Variants in GRM5 observed in about 807,000 individuals in gnomAD.
GRM5 encodes the protein metabotropic glutamate receptor 5.
Under a neutral mutation model 83.1 loss-of-function variants are expected in GRM5, and 19 were observed. The observed-to-expected ratio is 0.23, with a 90% CI of 0.16 to 0.34. The LOEUF (loss-of-function observed/expected upper bound fraction) is 0.34, where lower values mean the gene tolerates loss of function less well. Ranked by LOEUF, GRM5 falls within the 10% of genes least tolerant of loss-of-function variation. The probability of loss-of-function intolerance (pLI) is 1.00; values close to 1 mark genes in which losing one functional copy is unlikely to be tolerated. For synonymous variants in GRM5, 675 were observed against 633.6 expected, an observed-to-expected ratio of 1.07 and a Z score of -0.98; for missense variants, 1,160 against 1,588.3, an observed-to-expected ratio of 0.73 and a Z score of 4.58.
intron 3 of GRM5, among the ~76,000 whole-genome samples, chr11:88,816,717 A>C (rs1225157641): frequency 8.0e-5 from 12 of 149,478 alleles, no homozygotes; most frequent in Admixed American, 7.4e-4. Context: ...AAAATCAATA[A>C]AACTGATAAA....
chr11:88,527,854 A>G (rs1941915425), intron 8 of GRM5, among the ~76,000 whole-genome samples: 1 of 152,126 alleles, frequency 6.6e-6, no homozygotes, highest in South Asian at 2.1e-4. Flanking sequence ...CAAGTACTTC[A>G]TGTTTTCATT....
intron 5 of GRM5, among the ~76,000 whole-genome samples, chr11:88,602,999 G>T (rs1047111687): frequency 6.6e-6 from 1 of 152,118 alleles, no homozygotes; most frequent in East Asian, 1.9e-4. Flanking sequence ...TTATTCATGG[G>T]TTAATGTTAT....
rs1328206333 is a variant in GRM5 at position 89,047,926 on chromosome 11, G to T, written c.-54C>A. The T allele has an allele frequency of 7.2e-7, 1 of 1,393,498 alleles. No homozygotes were observed. The highest frequency in any genetic ancestry group is 1.4e-5 in the African/African-American group (1 of 70,568). 86.3% of individuals were successfully genotyped at this position (1,393,498 alleles called of 1,614,324 possible). A position where few individuals can be genotyped will look rare whatever the true frequency, so the allele number is the denominator to read the frequency against. On this transcript the variant is annotated 5_prime_UTR_variant, in exon 2 of 10. Transcript: ENST00000305447. This position sits in a 1 kb window ranked among gnomAD's most constrained non-coding sequence, Gnocchi z 5.1. ...ATAGCATGGTGGGGAAAATTCAGGA[G>T]GGTTCTGATAGCTACGAACAAGCGA...
chr11:89,039,856 A>T (rs949463129), intron 2 of GRM5, among the ~76,000 whole-genome samples: 4 of 152,212 alleles, frequency 2.6e-5, no homozygotes, highest in African/African-American at 9.6e-5. Context: ...GGCTGAGTGC[A>T]GTGGTGCAAA....
At chr11:88,834,356 A>T (rs1944054017) in intron 3 of GRM5, among the ~76,000 whole-genome samples, 1 of 152,226 alleles carries the variant, frequency 6.6e-6, no homozygotes, top group Non-Finnish European at 1.5e-5. Flanking sequence ...ATGTACAAAA[A>T]GGTAAATTGA....
chr11:88,561,067 C>T (rs10501669), intron 8 of GRM5, among the ~76,000 whole-genome samples: 6 of 151,898 alleles, frequency 4.0e-5, no homozygotes, highest in East Asian at 1.9e-4. Context: ...CTCTAAAGAA[C>T]GAGAAATAGC....
Position 88,506,856 on chromosome 11 carries a change from C to T in GRM5, c.*1736G>A, listed in dbSNP as rs1941195324. 2 of 152,022 alleles carry T rather than the reference C, an allele frequency of 1.3e-5. No homozygotes were observed. The highest frequency in any genetic ancestry group is 6.5e-5 in the Admixed American group (1 of 15,280). 9.4% of individuals were successfully genotyped at this position (152,022 alleles called of 1,614,324 possible). On this transcript the variant is annotated 3_prime_UTR_variant, in exon 10 of 10. Coordinates refer to ENST00000305447, the MANE Select transcript of GRM5 (RefSeq NM_001143831.3). ...GATGTGAAATAAAAAAAAATACTTA[C>T]CAAAGTAAGGATATTGAGCTAAAAG... is the stretch of plus-strand genomic sequence containing the variant.
At chr11:88,509,865 G>T (rs1941316164) in intron 9 of GRM5, among the ~76,000 whole-genome samples, 1 of 152,170 alleles carries the variant, frequency 6.6e-6, no homozygotes, top group South Asian at 2.1e-4. Flanking sequence ...CCGGCTGTGT[G>T]CACAAGTGCC....
At chr11:88,832,204 T>G (rs1035307197) in intron 3 of GRM5, among the ~76,000 whole-genome samples, 11 of 152,260 alleles carry the variant, frequency 7.2e-5, no homozygotes, top group Admixed American at 2.0e-4. Context: ...GTAGATGACA[T>G]GATCTTACAT....
chr11:88,691,538 T>G (rs1940780416), intron 3 of GRM5, among the ~76,000 whole-genome samples: 1 of 152,214 alleles, frequency 6.6e-6, no homozygotes, highest in Admixed American at 6.5e-5. Context: ...ATTGACTGTT[T>G]TATACCTCCT....
At chr11:88,800,442 C>A (rs1372906036) in intron 3 of GRM5, among the ~76,000 whole-genome samples, 4 of 151,806 alleles carry the variant, frequency 2.6e-5, no homozygotes, top group Non-Finnish European at 5.9e-5. Context: ...AGATTACTTG[C>A]AAAACAATAT....
At chr11:88,667,538 A>G (rs1358236306) in intron 3 of GRM5, among the ~76,000 whole-genome samples, 1 of 152,176 alleles carries the variant, frequency 6.6e-6, no homozygotes, top group Non-Finnish European at 1.5e-5. Flanking sequence ...TAAACCCTCC[A>G]AAACTAGAGG....
At chr11:88,733,645 T>C (rs1903843) in intron 3 of GRM5, among the ~76,000 whole-genome samples, 88,958 of 151,842 alleles carry the variant, frequency 0.59, 28,100 homozygotes, top group South Asian at 0.8. Flanking sequence ...ATTAAGAAGC[T>C]GAAAATAGCA....
chr11:89,021,096 A>C (rs1940972275), intron 2 of GRM5, among the ~76,000 whole-genome samples: 1 of 152,206 alleles, frequency 6.6e-6, no homozygotes, highest in Non-Finnish European at 1.5e-5. Flanking sequence ...GTGAATACTG[A>C]ATGGATTTGT....
At chr11:88,660,203 T>A (rs1939869159) in intron 3 of GRM5, among the ~76,000 whole-genome samples, 2 of 152,190 alleles carry the variant, frequency 1.3e-5, no homozygotes, top group Admixed American at 1.3e-4. Context: ...TTTTACTCAA[T>A]CTTTCCATAA....
chr11:88,720,985 C>T (rs542126138), intron 3 of GRM5, among the ~76,000 whole-genome samples: 1 of 151,956 alleles, frequency 6.6e-6, no homozygotes, highest in Non-Finnish European at 1.5e-5. Context: ...ATAGCCATCA[C>T]GTAGCATTTC....
intron 2 of GRM5, among the ~76,000 whole-genome samples, chr11:89,004,219 G>T (rs1940464520): frequency 6.6e-6 from 1 of 152,168 alleles, no homozygotes; most frequent in African/African-American, 2.4e-5. Flanking sequence ...TGGACCAAAT[G>T]ATCTATTATC....
At chr11:88,618,188 C>G (rs1938534702) in intron 4 of GRM5, among the ~76,000 whole-genome samples, 1 of 152,124 alleles carries the variant, frequency 6.6e-6, no homozygotes, top group Admixed American at 6.5e-5. Flanking sequence ...CTAAACTAAC[C>G]AGGTTGTTTG....
chr11:88,612,724 G>A (rs1053249500), intron 4 of GRM5: 1 of 152,030 alleles, frequency 6.6e-6, no homozygotes, highest in Non-Finnish European at 1.5e-5. Context: ...GCCAGTGATG[G>A]TGAGCATTTC....
Sources: gnomAD v4.1 joint callset for allele counts (sites outside exome capture counted in the v4.1 genomes callset) on GRCh38, gnomAD v4.1.1 for gene constraint, Gnocchi (gnomAD v3.1) non-coding constraint, MANE v1.5 for transcripts, NCBI Gene and HGNC (gene_info 2026-07-23, HGNC 2026-07-21) for gene names.